Variants in SDK1 observed in about 807,000 individuals in gnomAD.
The protein encoded by SDK1 is protein sidekick-1.
In SDK1, 157 loss-of-function variants were observed where a neutral mutation model predicts 245.5. The ratio of observed to expected loss-of-function variants is 0.64; its 90% CI spans 0.56 to 0.73. The LOEUF (loss-of-function observed/expected upper bound fraction) is 0.73. Ranked by LOEUF, SDK1 falls within the 30% of genes least tolerant of loss-of-function variation. The probability of loss-of-function intolerance (pLI) is 0.00; values close to 1 mark genes in which losing one functional copy is unlikely to be tolerated. For synonymous variants in SDK1, 1,647 were observed against 1,278.5 expected, an observed-to-expected ratio of 1.29 and a Z score of -6.15; for missense variants, 3,583 against 3,002.3, an observed-to-expected ratio of 1.19 and a Z score of -4.52.
intron 5 of SDK1, among the ~76,000 whole-genome samples, chr7:3,846,082 A>G (rs1167000100): frequency 1.3e-5 from 2 of 152,220 alleles, no homozygotes; most frequent in Non-Finnish European, 2.9e-5. Flanking sequence ...CCAGAAGGAA[A>G]GTGCGTCCCA....
intron 1 of SDK1, among the ~76,000 whole-genome samples, chr7:3,326,384 A>T (rs1779941278): frequency 6.6e-6 from 1 of 152,162 alleles, no homozygotes; most frequent in Non-Finnish European, 1.5e-5. Context: ...TTTTCAATGG[A>T]TGTATGCTCT....
intron 1 of SDK1, among the ~76,000 whole-genome samples, chr7:3,547,225 G>A (rs1278025726): frequency 6.6e-6 from 1 of 152,090 alleles, no homozygotes; most frequent in Non-Finnish European, 1.5e-5. Context: ...TAAGTGCTTT[G>A]ATAGCCACAT....
At chr7:3,894,134 G>A (rs1781532906) in intron 5 of SDK1, among the ~76,000 whole-genome samples, 1 of 152,098 alleles carries the variant, frequency 6.6e-6, no homozygotes, top group Non-Finnish European at 1.5e-5. Flanking sequence ...TTCCATCGTT[G>A]CAGTTGGACC....
At chr7:3,523,042 C>A (rs1451888480) in intron 1 of SDK1, among the ~76,000 whole-genome samples, 1 of 43,712 alleles carries the variant, frequency 2.3e-5, no homozygotes, top group African/African-American at 1.0e-4. Context: ...AAACCTGTAA[C>A]ATTTGTATCA....
chr7:4,087,624 C>G (rs1448694457), intron 22 of SDK1, among the ~76,000 whole-genome samples: 1 of 152,160 alleles, frequency 6.6e-6, no homozygotes, highest in Non-Finnish European at 1.5e-5. Flanking sequence ...CAGCTGTTTT[C>G]TCTTGGAGAA....
intron 1 of SDK1, among the ~76,000 whole-genome samples, chr7:3,357,074 A>AG (rs1780818983): frequency 7.2e-6 from 1 of 138,560 alleles, no homozygotes; most frequent in Non-Finnish European, 1.6e-5. Context: ...AAAAAAAAAA[A>AG]AGATACTTCT....
At chr7:3,715,974 G>A (rs1371423696) in intron 4 of SDK1, among the ~76,000 whole-genome samples, 2 of 152,148 alleles carry the variant, frequency 1.3e-5, no homozygotes, top group Non-Finnish European at 2.9e-5. Context: ...GAAAGTGAGT[G>A]AATTGAAACA....
chr7:4,209,946 T>C, intron 37 of SDK1, 79 bp from the exon 38 acceptor site: 1 of 1,207,152 alleles, frequency 8.3e-7, no homozygotes, highest in Non-Finnish European at 1.1e-6. Flanking sequence ...TTTTTTATTC[T>C]ATACGGAGGC....
At chr7:3,766,222 T>A (rs1467928942) in intron 4 of SDK1, among the ~76,000 whole-genome samples, 1 of 152,194 alleles carries the variant, frequency 6.6e-6, no homozygotes, top group Non-Finnish European at 1.5e-5. Flanking sequence ...TCATTTGCAT[T>A]AGTTAATATT....
chr7:4,061,093 T>A (rs551234401), intron 19 of SDK1, among the ~76,000 whole-genome samples: 1 of 152,332 alleles, frequency 6.6e-6, no homozygotes, highest in East Asian at 1.9e-4. Flanking sequence ...CCAGCTTTGT[T>A]CTTTTGGCTT....
At chr7:3,636,804 C>G (rs1026401042) in intron 2 of SDK1, among the ~76,000 whole-genome samples, 1 of 152,150 alleles carries the variant, frequency 6.6e-6, no homozygotes, top group Non-Finnish European at 1.5e-5. Context: ...ACTTACATTC[C>G]CATGTACAGT....
chr7:3,866,311 C>A (rs963614754), intron 5 of SDK1, among the ~76,000 whole-genome samples: 13 of 152,132 alleles, frequency 8.5e-5, no homozygotes, highest in Admixed American at 2.6e-4. Context: ...ACAAGGAGAA[C>A]AAAGATGACC....
intron 1 of SDK1, among the ~76,000 whole-genome samples, chr7:3,350,355 T>C (rs556114402): frequency 2.6e-5 from 4 of 152,338 alleles, no homozygotes; most frequent in African/African-American, 9.6e-5. Context: ...GGATGTGGTG[T>C]GATGCCATGA....
intron 2 of SDK1, among the ~76,000 whole-genome samples, chr7:3,631,090 C>G (rs1030639842): frequency 6.6e-6 from 1 of 152,058 alleles, no homozygotes; most frequent in Non-Finnish European, 1.5e-5. Context: ...CATGCTGCCA[C>G]GCCTGGTTAA....
intron 5 of SDK1, among the ~76,000 whole-genome samples, chr7:3,830,828 A>T (rs1779895886): frequency 1.3e-5 from 2 of 152,124 alleles, no homozygotes; most frequent in Admixed American, 1.3e-4. Context: ...TTGGAACCTA[A>T]TTTCTTAGAC....
intron 1 of SDK1, among the ~76,000 whole-genome samples, chr7:3,392,996 G>A (rs1781799606): frequency 1.6e-5 from 2 of 126,074 alleles, no homozygotes. Context: ...TTGAGATGGA[G>A]TTTTGCTCTT....
chr7:3,980,379 A>G lies in SDK1; in HGVS notation c.1994+5834A>G, dbSNP rs865993407. On this transcript the variant is annotated intron_variant, in intron 13 of 44. Transcript: ENST00000404826. ...TTTCCCCCTATTCTCTTTCAATTAC[A>G]AAGTGACTCAGCACTGGGCTTCGCT... 9.8e-5 allele frequency among the ~76,000 whole-genome samples: 15 copies of G among 152,286 alleles called. No individual in the cohort carries two copies. In the Middle Eastern group the frequency reaches 0.01, roughly 104 times the overall value.
At chr7:3,307,218 CTAAG>C (rs2128542146) in intron 1 of SDK1, among the ~76,000 whole-genome samples, 1 of 152,146 alleles carries the variant, frequency 6.6e-6, no homozygotes, top group African/African-American at 2.4e-5. Context: ...AAATTTCCCC[CTAAG>C]TATGTACACC....
Position 3,619,066 on chromosome 7 carries a change from T to G in SDK1, c.299-14T>G. 4.5e-6 allele frequency: 7 copies of G among 1,549,092 alleles called. No homozygotes were observed. The highest frequency in any genetic ancestry group is 6.1e-6 in the Non-Finnish European group (7 of 1,139,288). ...TACTTCAGTTTTGTTTTGTTTTGTT[T>G]TTTAATATTTCAGATGATGTTGCTC... On this transcript the variant is annotated splice_polypyrimidine_tract_variant and intron_variant, in intron 1 of 44. Transcript: ENST00000404826.
Sources: gnomAD v4.1 joint callset for allele counts (sites outside exome capture counted in the v4.1 genomes callset) on GRCh38, gnomAD v4.1.1 for gene constraint, MANE v1.5 for transcripts, NCBI Gene and HGNC (gene_info 2026-07-23, HGNC 2026-07-21) for gene names.